The following NRG1 variants were observed in gnomAD, a reference collection of about 807,000 sequenced individuals.
NRG1 encodes the protein pro-neuregulin-1, membrane-bound isoform.
In NRG1, 18 loss-of-function variants were observed where a neutral mutation model predicts 63.8. The observed-to-expected ratio is 0.28, with a 90% CI of 0.19 to 0.42. The LOEUF (loss-of-function observed/expected upper bound fraction) is 0.42. NRG1 is among the 10% of genes least tolerant of loss of function. The pLI, the probability that NRG1 is intolerant of heterozygous loss-of-function variation, is 1.00. For missense variants in NRG1, 762 were observed against 814.7 expected (o/e 0.94, Z 0.79); for synonymous variants, 302 against 301.3 (o/e 1.00, Z -0.02).
At chr8:31,731,556 CTG>C (rs1814073449) in intron 1 of NRG1, among the ~76,000 whole-genome samples, 1 of 152,036 alleles carries the variant, frequency 6.6e-6, no homozygotes, top group African/African-American at 2.4e-5. Flanking sequence ...CAGGATGTCT[CTG>C]TTTTTTGAAA....
chr8:32,476,548 CTT>C (rs1395114562), intron 1 of NRG1, among the ~76,000 whole-genome samples: 1 of 152,152 alleles, frequency 6.6e-6, no homozygotes, highest in African/African-American at 2.4e-5. Flanking sequence ...CATGTGATCT[CTT>C]TTCTTTCAAG....
intron 1 of NRG1, among the ~76,000 whole-genome samples, chr8:32,463,391 C>T (rs1822582946): frequency 6.6e-6 from 1 of 152,152 alleles, no homozygotes; most frequent in Non-Finnish European, 1.5e-5. Flanking sequence ...TCCATAATGG[C>T]TATAACAATT....
At chr8:32,716,802 ATGTGTGTG>A (rs934111765) in intron 5 of NRG1, among the ~76,000 whole-genome samples, 1 of 124,534 alleles carries the variant, frequency 8.0e-6, no homozygotes, top group African/African-American at 3.1e-5. Context: ...GCGTGTGTGC[ATGTGTGTG>A]TGTGCATGTG....
At chr8:32,256,932 A>G (rs1295907083) in intron 1 of NRG1, among the ~76,000 whole-genome samples, 1 of 152,084 alleles carries the variant, frequency 6.6e-6, no homozygotes, top group African/African-American at 2.4e-5. Context: ...TGGGAGTTTT[A>G]TCTATAAACC....
intron 1 of NRG1, among the ~76,000 whole-genome samples, chr8:32,291,288 G>C (rs1785388002): frequency 6.6e-6 from 1 of 152,076 alleles, no homozygotes; most frequent in South Asian, 2.1e-4. Flanking sequence ...TTGACCAAAT[G>C]TTGGGTCTCC....
At chr8:32,489,913 T>C (rs1036286191) in intron 1 of NRG1, among the ~76,000 whole-genome samples, 2 of 152,224 alleles carry the variant, frequency 1.3e-5, no homozygotes, top group Non-Finnish European at 2.9e-5. Context: ...TGACTTTGGA[T>C]GCTCTCAATA....
chr8:31,822,214 T>C (rs866031260), intron 1 of NRG1, among the ~76,000 whole-genome samples: 2 of 152,210 alleles, frequency 1.3e-5, no homozygotes, highest in African/African-American at 4.8e-5. Context: ...CTAATTACCA[T>C]GGATACGATA....
intron 1 of NRG1, among the ~76,000 whole-genome samples, chr8:31,645,876 A>T (rs1804239828): frequency 6.6e-6 from 1 of 152,126 alleles, no homozygotes; most frequent in Non-Finnish European, 1.5e-5. Context: ...TCTAACTCAG[A>T]CTTCTGTGTT....
chr8:32,336,536 G>A (rs1030575667), intron 1 of NRG1, among the ~76,000 whole-genome samples: 37 of 152,168 alleles, frequency 2.4e-4, no homozygotes, highest in African/African-American at 8.9e-4. Context: ...GTGGCTTAAT[G>A]AAAAAGAACA....
chr8:32,034,762 G>A (rs889125587), intron 1 of NRG1, among the ~76,000 whole-genome samples: 4 of 152,066 alleles, frequency 2.6e-5, no homozygotes, highest in African/African-American at 9.7e-5. Flanking sequence ...TCCTCTGATG[G>A]TTGTTTGTAT....
chr8:32,324,698 G>T (rs912578141), intron 1 of NRG1, among the ~76,000 whole-genome samples: 3 of 152,088 alleles, frequency 2.0e-5, no homozygotes, highest in Admixed American at 6.6e-5. Flanking sequence ...ATAAAAAATT[G>T]GAAAATTTAT....
At chr8:31,887,423 C>G (rs1450009189) in intron 1 of NRG1, among the ~76,000 whole-genome samples, 1 of 152,018 alleles carries the variant, frequency 6.6e-6, no homozygotes, top group Non-Finnish European at 1.5e-5. Flanking sequence ...TTTCCCAGCT[C>G]TCTGACACAG....
intron 1 of NRG1, among the ~76,000 whole-genome samples, chr8:31,665,688 C>T (rs1018859153): frequency 1.3e-5 from 2 of 152,118 alleles, no homozygotes; most frequent in Non-Finnish European, 2.9e-5. Context: ...TTTGATTAGT[C>T]AATCTAGAAA....
chr8:32,506,313 C>T (rs1032443505), intron 1 of NRG1, among the ~76,000 whole-genome samples: 2 of 152,068 alleles, frequency 1.3e-5, no homozygotes, highest in Non-Finnish European at 2.9e-5. Flanking sequence ...GTCAAGTTCT[C>T]GGGACAGAAG....
chr8:32,057,754 C>G (rs1823197766), intron 1 of NRG1, among the ~76,000 whole-genome samples: 1 of 152,092 alleles, frequency 6.6e-6, no homozygotes, highest in South Asian at 2.1e-4. Context: ...AAGCTAAAAG[C>G]CTATGAAGAT....
At chr8:31,752,283 C>T (rs1816555160) in intron 1 of NRG1, among the ~76,000 whole-genome samples, 1 of 152,008 alleles carries the variant, frequency 6.6e-6, no homozygotes, top group African/African-American at 2.4e-5. Context: ...GCTCAAAGAC[C>T]AGCAAGAAGA....
chr8:32,629,454 A>G (rs1467669587), intron 5 of NRG1, among the ~76,000 whole-genome samples: 2 of 152,190 alleles, frequency 1.3e-5, no homozygotes, highest in Non-Finnish European at 2.9e-5. Context: ...ATGGATGTCA[A>G]TATCAACAGT....
intron 1 of NRG1, among the ~76,000 whole-genome samples, chr8:31,770,208 G>C (rs16878266): frequency 0.22 from 33,204 of 152,072 alleles, 4,776 homozygotes; most frequent in East Asian, 0.66. Context: ...CCTGTGCCTT[G>C]AGTTAGAAAG....
At chr8:32,554,200 T>TA (rs915407042) in intron 1 of NRG1, among the ~76,000 whole-genome samples, 4 of 152,258 alleles carry the variant, frequency 2.6e-5, no homozygotes, top group South Asian at 2.1e-4. Context: ...TTTACCCAGA[T>TA]AAAAAATATG....
Sources: gnomAD v4.1 joint callset for allele counts (sites outside exome capture counted in the v4.1 genomes callset) on GRCh38, gnomAD v4.1.1 for gene constraint, MANE v1.5 for transcripts, NCBI Gene and HGNC (gene_info 2026-07-23, HGNC 2026-07-21) for gene names.